CD300C: variants seen among roughly 807,000 people sequenced by gnomAD.
The protein encoded by CD300C is CMRF35-like molecule 6.
Under a neutral mutation model 18.4 loss-of-function variants are expected in CD300C, and 11 were observed. That is an observed-to-expected ratio of 0.60 (90% CI 0.38 to 0.99). CD300C has a LOEUF of 0.99. Ranked by LOEUF, CD300C falls within the 50% of genes least tolerant of loss-of-function variation. CD300C has a pLI of 0.01. For missense variants in CD300C, 277 were observed against 287.4 expected (o/e 0.96, Z 0.26); for synonymous variants, 116 against 116.3 (o/e 1.00, Z 0.02).
In CD300C at chr17:74,544,732, A is replaced by G. The variant is rs368005305; in HGVS notation, c.277T>C (p.Phe93Leu). The change falls in exon 2 of 4, where the codon TTC becomes CTC. Residue 93 changes from phenylalanine to leucine, a missense_variant. Phe to Leu is a conservative substitution (Grantham distance 22, BLOSUM62 0). Transcript: ENST00000330793. ...GTGAGATTCTCCAGGGTCACTGTGA[A>G]GCTGAGGTTTGCAGGACTGTCCCTG... ...SIRDSPANLS[F>L]TVTLENLTEE... The G allele has an allele frequency of 1.0e-4, 162 of 1,614,128 alleles. No individual in the cohort carries two copies. The highest frequency in any genetic ancestry group is 1.3e-4 in the Non-Finnish European group (153 of 1,180,052).
intron 3 of CD300C, 99 bp from the exon 4 acceptor site, chr17:74,541,835 A>C: frequency 7.5e-7 from 1 of 1,332,736 alleles, no homozygotes. Context: ...CTGTGACCAC[A>C]GCCAACCACA....
At chr17:74,539,522 G>A (rs1244943484), downstream of CD300C, among the ~76,000 whole-genome samples, 2 of 151,860 alleles carry the variant, frequency 1.3e-5, no homozygotes, top group Admixed American at 1.3e-4. Flanking sequence ...ACACACACAC[G>A]GCCCTGGGGA....
At chr17:74,539,674 C>T (rs1159400215), downstream of CD300C, among the ~76,000 whole-genome samples, 1 of 152,220 alleles carries the variant, frequency 6.6e-6, no homozygotes, top group Non-Finnish European at 1.5e-5. Context: ...GGTGCTGCCA[C>T]CCTCCCGACT....
chr17:74,538,290 C>T (rs1393489692), downstream of CD300C, among the ~76,000 whole-genome samples: 4 of 152,162 alleles, frequency 2.6e-5, no homozygotes, highest in Non-Finnish European at 5.9e-5. Flanking sequence ...CACCGAGCTT[C>T]TCTGAGCCCT....
intron 2 of CD300C, among the ~76,000 whole-genome samples, chr17:74,544,182 G>T (rs1420600797): frequency 6.6e-6 from 1 of 152,178 alleles, no homozygotes; most frequent in Non-Finnish European, 1.5e-5. Context: ...GGGGAAGAGC[G>T]AGTTAGACCC....
At chr17:74,537,499 C>T (rs1908416398), downstream of CD300C, among the ~76,000 whole-genome samples, 1 of 151,948 alleles carries the variant, frequency 6.6e-6, no homozygotes, top group Non-Finnish European at 1.5e-5. Context: ...CATGGTGGCA[C>T]ATGCCTGTAG....
chr17:74,537,511 C>T (rs1485028477), downstream of CD300C, among the ~76,000 whole-genome samples: 1 of 151,974 alleles, frequency 6.6e-6, no homozygotes, highest in Non-Finnish European at 1.5e-5. Flanking sequence ...TGCCTGTAGT[C>T]CCAGCTACTC....
downstream of CD300C, among the ~76,000 whole-genome samples, chr17:74,536,532 C>CAA (rs376317178): frequency 0.02 from 2,130 of 108,824 alleles, 63 homozygotes; most frequent in African/African-American, 0.025. Context: ...GACTCCGTCT[C>CAA]AAAAAAAAAA....
At chr17:74,545,214 CTG>C (rs777408018) in intron 1 of CD300C, among the ~76,000 whole-genome samples, 6 of 151,302 alleles carry the variant, frequency 4.0e-5, no homozygotes, top group Non-Finnish European at 7.4e-5. Flanking sequence ...GAGTGTGACT[CTG>C]TGTGTGTGAC....
At position 74,544,895 on chromosome 17, in the gene CD300C, G is replaced by T. The variant is rs180678439; in HGVS notation, c.114C>A (p.Ser38=). ...PMTVAGPVGG[S]LSVQCRYEKE... is the part of the protein sequence containing the mutation. ...TCTCATAGCGACACTGCACACTCAG[G>T]GATCCCCCCACGGGGCCCGCCACGG... Residue 38 remains serine (S), a synonymous_variant, in exon 2 of 4, where the codon TCC becomes TCA. Transcript: ENST00000330793. 387 of 1,613,258 alleles carry T rather than the reference G, an allele frequency of 2.4e-4. 4 individuals are homozygous for T. The East Asian group carries it at 7.0e-3, about 29-fold the overall frequency.
At chr17:74,543,855 C>T (rs1416541347) in intron 2 of CD300C, among the ~76,000 whole-genome samples, 5 of 152,186 alleles carry the variant, frequency 3.3e-5, no homozygotes, top group African/African-American at 1.2e-4. Context: ...CCAGTCTCAG[C>T]TCATTTCCAT....
At position 74,542,985 on chromosome 17, in the gene CD300C, C is replaced by T. The variant is rs201444602; in HGVS notation, c.403G>A (p.Gly135Arg). ...TGGGGGCTGGAGGCTGTGGTCGTCC[C>T]GGCTGTGGGTGAAACACAGGTCAAC... ...VEVEVSVFPA[G>R]TTTASSPQSS... is the part of the protein sequence containing the mutation. The change falls in exon 3 of 4, where the codon GGG becomes AGG. Residue 135 changes from glycine to arginine, a missense_variant and splice_region_variant. Gly to Arg is a moderately radical substitution (Grantham distance 125). Transcript: ENST00000330793. 44 of 1,613,460 alleles carry T rather than the reference C, an allele frequency of 2.7e-5. No individual in the cohort carries two copies. Among genetic ancestry groups the T allele is most frequent in the East Asian group, 6.7e-5 (3 of 44,888 alleles).
chr17:74,543,706 G>A (rs1976492), intron 2 of CD300C, among the ~76,000 whole-genome samples: 70,519 of 152,034 alleles, frequency 0.46, 16,787 homozygotes, highest in Middle Eastern at 0.65. Flanking sequence ...AAGATGCTCC[G>A]AGGAACCTGG....
intron 3 of CD300C, 22 bp from the exon 4 acceptor site, chr17:74,541,758 C>T: frequency 6.2e-7 from 1 of 1,603,034 alleles, no homozygotes; most frequent in Non-Finnish European, 8.5e-7. Context: ...CGGTGACAGG[C>T]AGTGAGTCAC....
intron 2 of CD300C, among the ~76,000 whole-genome samples, chr17:74,543,424 C>G (rs1196653644): frequency 6.6e-6 from 1 of 152,214 alleles, no homozygotes; most frequent in Admixed American, 6.5e-5. Flanking sequence ...ACGATGGGAC[C>G]CGAGTCCACT....
intron 2 of CD300C, among the ~76,000 whole-genome samples, chr17:74,543,534 C>A (rs1355580843): frequency 3.3e-5 from 5 of 152,186 alleles, no homozygotes; most frequent in African/African-American, 9.7e-5. Flanking sequence ...GAGGGGATGC[C>A]CGGTGAAGCC....
intron 2 of CD300C, among the ~76,000 whole-genome samples, chr17:74,543,478 G>A (rs1444109834): frequency 6.6e-6 from 1 of 152,206 alleles, no homozygotes; most frequent in African/African-American, 2.4e-5. Flanking sequence ...AAGGCCATTG[G>A]ACCATCCTCT....
intron 2 of CD300C, 138 bp downstream of exon 2, chr17:74,544,471 A>G: frequency 1.1e-6 from 1 of 870,070 alleles, no homozygotes; most frequent in Non-Finnish European, 1.8e-6. Context: ...ACTCACACTC[A>G]TCCACACACA....
intron 2 of CD300C, among the ~76,000 whole-genome samples, chr17:74,544,013 C>A (rs980427668): frequency 1.3e-5 from 2 of 152,174 alleles, no homozygotes; most frequent in African/African-American, 4.8e-5. Context: ...CTCTGGGGCT[C>A]CTTCCTGTGT....
Sources: allele counts gnomAD v4.1 joint callset (sites outside exome capture counted in the v4.1 genomes callset), GRCh38; gene constraint gnomAD v4.1.1; transcripts MANE v1.5; gene names NCBI Gene and HGNC (gene_info 2026-07-23, HGNC 2026-07-21).